Variants in ENPP1 observed in about 807,000 individuals in gnomAD.
The protein encoded by ENPP1 is ectonucleotide pyrophosphatase/phosphodiesterase family member 1.
A neutral mutation model predicts 122.8 loss-of-function variants in ENPP1; 73 were observed. The observed-to-expected ratio is 0.59, with a 90% CI of 0.49 to 0.72. The LOEUF (loss-of-function observed/expected upper bound fraction) is 0.72, where lower values mean the gene tolerates loss of function less well. ENPP1 is among the 30% of genes least tolerant of loss of function. ENPP1 has a pLI of 0.00. For missense variants in ENPP1, 978 were observed against 1,128.1 expected, an observed-to-expected ratio of 0.87 and a Z score of 1.91; for synonymous variants, 367 against 391.6, an observed-to-expected ratio of 0.94 and a Z score of 0.74.
intron 6 of ENPP1, among the ~76,000 whole-genome samples, chr6:131,857,680 T>C (rs1781965971): frequency 6.6e-6 from 1 of 152,062 alleles, no homozygotes; most frequent in Admixed American, 6.6e-5. Context: ...GCGATAGCAT[T>C]GGGAGATATA....
intron 9 of ENPP1, 93 bp from the exon 10 acceptor site, chr6:131,864,413 G>T: frequency 1.3e-6 from 1 of 796,466 alleles, no homozygotes; most frequent in Non-Finnish European, 2.2e-6. Flanking sequence ...ATAGCATTTA[G>T]TAGCTCTTAA....
chr6:131,843,145 G>A (rs2114683393), intron 1 of ENPP1, among the ~76,000 whole-genome samples: 1 of 152,210 alleles, frequency 6.6e-6, no homozygotes, highest in South Asian at 2.1e-4. Context: ...GCTTTGACAG[G>A]AAAATTCAAA....
intron 1 of ENPP1, chr6:131,827,351 A>G: frequency 8.9e-7 from 1 of 1,121,584 alleles, no homozygotes; most frequent in Non-Finnish European, 1.4e-6. Flanking sequence ...CAGGGATGTC[A>G]CTATAGTTGC....
chr6:131,866,821 T>C (rs1385974528), intron 11 of ENPP1, among the ~76,000 whole-genome samples: 1 of 152,236 alleles, frequency 6.6e-6, no homozygotes, highest in Non-Finnish European at 1.5e-5. Flanking sequence ...GAAAAGTTTC[T>C]TGTAGCTGTT....
At chr6:131,835,738 G>T (rs914079677) in intron 1 of ENPP1, among the ~76,000 whole-genome samples, 2 of 151,900 alleles carry the variant, frequency 1.3e-5, no homozygotes, top group Non-Finnish European at 2.9e-5. Flanking sequence ...CCCCTGACAG[G>T]CCCAGTGTGT....
intron 24 of ENPP1, 100 bp downstream of exon 24, chr6:131,886,824 C>CTGT (rs1554205592): frequency 4.0e-6 from 4 of 990,686 alleles, no homozygotes; most frequent in Non-Finnish European, 6.2e-6. Flanking sequence ...GAAAGCACAA[C>CTGT]TGAGTACACA....
chr6:131,836,265 G>T (rs1359227380), intron 1 of ENPP1, among the ~76,000 whole-genome samples: 1 of 151,882 alleles, frequency 6.6e-6, no homozygotes, highest in Non-Finnish European at 1.5e-5. Flanking sequence ...GGCACCCACT[G>T]CCATGCCTGG....
intron 1 of ENPP1, among the ~76,000 whole-genome samples, chr6:131,843,981 T>TG (rs1781773621): frequency 6.6e-6 from 1 of 152,062 alleles, no homozygotes; most frequent in East Asian, 1.9e-4. Flanking sequence ...TGTGGTGTTT[T>TG]TGTGTGTGTG....
At chr6:131,870,923 A>C (rs948927132) in intron 13 of ENPP1, among the ~76,000 whole-genome samples, 4 of 152,136 alleles carry the variant, frequency 2.6e-5, no homozygotes, top group African/African-American at 9.7e-5. Context: ...GAAAAATACA[A>C]AAATTATCTG....
intron 1 of ENPP1, among the ~76,000 whole-genome samples, chr6:131,831,241 T>C (rs1781608837): frequency 6.6e-6 from 1 of 152,156 alleles, no homozygotes; most frequent in East Asian, 1.9e-4. Context: ...CTTTTTCCTT[T>C]CAATAAACAT....
In ENPP1 at chr6:131,815,646, A is replaced by G. The variant is rs538173006; in HGVS notation, c.240+7371A>G. Among the ~76,000 whole-genome samples, 17 of 152,234 alleles carry G rather than the reference A, an allele frequency of 1.1e-4. 1 individual carries two copies. In the South Asian group the frequency reaches 3.1e-3, roughly 28 times the overall value. On this transcript the variant is annotated intron_variant, in intron 1 of 24. Coordinates refer to ENST00000647893, the MANE Select transcript of ENPP1 (RefSeq NM_006208.3). ...AGAGACCTTATGTGTTCTGTATAAT[A>G]AAGAACTGGGGGCCATTAACCTTTC...
chr6:131,851,638 G>A (rs933114939), intron 4 of ENPP1, among the ~76,000 whole-genome samples: 5 of 152,088 alleles, frequency 3.3e-5, no homozygotes, highest in Non-Finnish European at 7.3e-5. Context: ...TTTATGTCCC[G>A]GCTTCCCTCC....
At position 131,890,398 on chromosome 6, in the gene ENPP1, A is replaced by G. The variant is rs1166287765; in HGVS notation, c.2665A>G (p.Ile889Val). 1.2e-6 allele frequency: 2 copies of G among 1,613,548 alleles called. No individual in the cohort carries two copies. Among genetic ancestry groups the G allele is most frequent in the East Asian group, 4.5e-5 (2 of 44,872 alleles). ...ATTGTTAATGTTACACAGAGCACGGATCACAGATGTTGAGCACATCACTGG... is the reference window on the plus strand; with the variant it reads ...ATTGTTAATGTTACACAGAGCACGGGTCACAGATGTTGAGCACATCACTGG... ...EELLMLHRARITDVEHITGLS... is the reference protein window; with the variant it reads ...EELLMLHRARVTDVEHITGLS... Residue 889 changes from isoleucine to valine, a missense_variant, in exon 25 of 25, where the codon ATC (isoleucine) becomes GTC (valine). Ile to Val is a conservative substitution (Grantham distance 29, BLOSUM62 3). Around this residue, in one of 3 missense-constraint regions of ENPP1, gnomAD observed 644 missense variants for 781.5 expected, o/e 0.82. Transcript: ENST00000647893.
intron 6 of ENPP1, among the ~76,000 whole-genome samples, chr6:131,857,004 T>C (rs1009847357): frequency 2.0e-5 from 3 of 152,074 alleles, no homozygotes; most frequent in Admixed American, 2.0e-4. Flanking sequence ...AACTTTAAAG[T>C]AGTTTTTTCC....
intron 6 of ENPP1, among the ~76,000 whole-genome samples, chr6:131,856,172 G>T (rs1043149289): frequency 1.3e-5 from 2 of 152,096 alleles, no homozygotes; most frequent in African/African-American, 2.4e-5. Flanking sequence ...GCTTTGCATG[G>T]ACAAAGCTGT....
Position 131,893,707 on chromosome 6 carries a change from C to T in ENPP1, c.*3196C>T, listed in dbSNP as rs1017295425. 2.0e-5 allele frequency: 3 copies of T among 152,118 alleles called. No homozygotes were observed. The highest frequency in any genetic ancestry group is 4.4e-5 in the Non-Finnish European group (3 of 68,010). 9.4% of individuals were successfully genotyped at this position (152,118 alleles called of 1,614,324 possible). A position where few individuals can be genotyped will look rare whatever the true frequency, so the allele number is the denominator to read the frequency against. On this transcript the variant is annotated 3_prime_UTR_variant, in exon 25 of 25. Coordinates refer to ENST00000647893, the MANE Select transcript of ENPP1 (RefSeq NM_006208.3). ...CCTACTTAGCTTTTTTTCTGTGGTTCTTACACAGTATTCCTTTTTTTCTTT... is the reference window on the plus strand; with the variant it reads ...CCTACTTAGCTTTTTTTCTGTGGTTTTTACACAGTATTCCTTTTTTTCTTT...
In ENPP1 at chr6:131,827,050, A is replaced by G. The variant is rs1431206597; in HGVS notation, c.240+18775A>G. 8.4e-5 allele frequency: 49 copies of G among 581,384 alleles called. 2 individuals carry two copies. The highest frequency in any genetic ancestry group is 8.2e-4 in the South Asian group (49 of 59,950). 36.0% of individuals were successfully genotyped at this position (581,384 alleles called of 1,614,324 possible). On this transcript the variant is annotated intron_variant, in intron 1 of 24. Transcript: ENST00000647893. ...AGGTTGACCAGCTGTGAGACGGCAG[A>G]CGGCAGCTTCACCTCCAGGGTCTGC...
At chr6:131,844,695 G>A (rs1248805692) in intron 1 of ENPP1, among the ~76,000 whole-genome samples, 1 of 152,196 alleles carries the variant, frequency 6.6e-6, no homozygotes, top group East Asian at 1.9e-4. Context: ...CACTGCCATG[G>A]TGCAATAGAC....
chr6:131,889,385 A>AC (rs1210586675), intron 24 of ENPP1, among the ~76,000 whole-genome samples: 17 of 142,162 alleles, frequency 1.2e-4, no homozygotes, highest in African/African-American at 4.4e-4. Flanking sequence ...CCCTCCTCCC[A>AC]CCCCCTGCCC....
Sources: allele counts gnomAD v4.1 joint callset (sites outside exome capture counted in the v4.1 genomes callset), GRCh38; gene constraint gnomAD v4.1.1; regional missense constraint gnomAD v4.1.1; transcripts MANE v1.5; gene names NCBI Gene and HGNC (gene_info 2026-07-23, HGNC 2026-07-21).